Variants in ZNF83 observed in about 807,000 individuals in gnomAD.
ZNF83 encodes the protein zinc finger protein 816B.
For synonymous variants in ZNF83, 209 were observed against 213.0 expected (o/e 0.98, Z 0.17); for missense variants, 552 against 629.9 (o/e 0.88, Z 1.32).
chr19:52,689,934 A>C (rs1032699087), intron 1 of ZNF83, among the ~76,000 whole-genome samples: 1 of 152,178 alleles, frequency 6.6e-6, no homozygotes, highest in Non-Finnish European at 1.5e-5. Flanking sequence ...ACTGCGGAGG[A>C]GAGACCTGGG....
At chr19:52,645,707 T>C (rs922182877) in intron 3 of ZNF83, among the ~76,000 whole-genome samples, 2 of 151,670 alleles carry the variant, frequency 1.3e-5, no homozygotes, top group Non-Finnish European at 2.9e-5. Context: ...CTCAGGAGGT[T>C]GAGGCAAAAG....
At chr19:52,684,135 G>A (rs1342239090) in intron 1 of ZNF83, among the ~76,000 whole-genome samples, 3 of 152,028 alleles carry the variant, frequency 2.0e-5, no homozygotes, top group Non-Finnish European at 4.4e-5. Flanking sequence ...CTGGGAGGCC[G>A]AGGCTGGTGG....
chr19:52,645,808 C>CG (rs988704325), intron 3 of ZNF83, among the ~76,000 whole-genome samples: 10 of 149,136 alleles, frequency 6.7e-5, no homozygotes, highest in Admixed American at 4.8e-4. Flanking sequence ...TTCTGCCCCC[C>CG]CCCAAAAAAA....
intron 2 of ZNF83, among the ~76,000 whole-genome samples, chr19:52,619,626 CAA>C (rs34008173): frequency 1.3e-4 from 15 of 111,794 alleles, no homozygotes; most frequent in Admixed American, 1.9e-4. Flanking sequence ...ACTCCATCTC[CAA>C]AAAAAAAAAA....
intron 3 of ZNF83, chr19:52,654,001 C>T: frequency 6.6e-7 from 1 of 1,515,374 alleles, no homozygotes. Context: ...TTTGAGCCTA[C>T]AAGAAATTCT....
At chr19:52,613,022 A>G in exon 3 of ZNF83, 2 of 1,592,454 alleles carry the variant, frequency 1.3e-6, no homozygotes, top group Non-Finnish European at 8.6e-7. Flanking sequence ...CATTAATTAC[A>G]TGTGTTAGAT....
exon 3 of ZNF83, chr19:52,613,577 A>G (rs1296288694): frequency 6.2e-7 from 1 of 1,613,650 alleles, no homozygotes; most frequent in Non-Finnish European, 8.5e-7. Context: ...ACTAGGGATG[A>G]CTTGTGACTG....
At chr19:52,667,570 G>A (rs6509665) in intron 1 of ZNF83, among the ~76,000 whole-genome samples, 122,437 of 152,170 alleles carry the variant, frequency 0.8, 49,985 homozygotes, top group African/African-American at 0.95. Context: ...TACCTACATT[G>A]AAAGATTAAA....
intron 1 of ZNF83, among the ~76,000 whole-genome samples, chr19:52,680,754 A>G (rs186803997): frequency 0.17 from 24,099 of 141,222 alleles, 2,467 homozygotes; most frequent in East Asian, 0.33. Flanking sequence ...CTGGGACTAC[A>G]GGCGCCCGCC....
At position 52,619,207 on chromosome 19, in the gene ZNF83, T is replaced by C. The variant is rs902475633; in HGVS notation, c.-233-4410A>G. On this transcript the variant is annotated intron_variant, in intron 2 of 2. Coordinates refer to ENST00000301096, the Ensembl canonical transcript of ZNF83. The stretch of plus-strand genomic sequence containing the variant: ...AAGGGATTTTTCACCACATGATGTC[T>C]TCCCAGTGGTGTTTGATTATACTTT... 5.4e-5 allele frequency: 86 copies of C among 1,580,972 alleles called. No homozygotes were observed. The African/African-American group carries it at 1.1e-3, about 20-fold the overall frequency.
intron 2 of ZNF83, chr19:52,655,827 C>T: frequency 2.0e-6 from 1 of 506,992 alleles, no homozygotes; most frequent in Non-Finnish European, 3.5e-6. Context: ...TTGAACATTT[C>T]TTTTTGTGCA....
intron 1 of ZNF83, among the ~76,000 whole-genome samples, chr19:52,684,543 C>CTAT (rs1287902895): frequency 1.2e-5 from 1 of 82,228 alleles, no homozygotes; most frequent in African/African-American, 7.5e-5. Context: ...GAGTGAGACT[C>CTAT]TGTCTAAAAA....
intron 3 of ZNF83, chr19:52,655,449 CAT>C (rs1323366792): frequency 6.0e-6 from 6 of 1,000,040 alleles, no homozygotes; most frequent in South Asian, 1.5e-5. Context: ...AAAACAATGA[CAT>C]GTACATCAAA....
chr19:52,659,439 C>G (rs1036342410), intron 2 of ZNF83, among the ~76,000 whole-genome samples: 1 of 152,116 alleles, frequency 6.6e-6, no homozygotes, highest in Non-Finnish European at 1.5e-5. Flanking sequence ...TAAAAATGTT[C>G]AGACAGTTGC....
At chr19:52,680,644 G>C (rs1401224058) in intron 1 of ZNF83, among the ~76,000 whole-genome samples, 1 of 112,862 alleles carries the variant, frequency 8.9e-6, no homozygotes, top group Non-Finnish European at 1.6e-5. Context: ...ACGGAGTCTC[G>C]CTCTGTCGCC....
chr19:52,618,756 C>A, intron 2 of ZNF83: 1 of 1,148,230 alleles, frequency 8.7e-7, no homozygotes, highest in Non-Finnish European at 1.2e-6. Context: ...TCATGAAGAA[C>A]GCAGAACATC....
intron 1 of ZNF83, among the ~76,000 whole-genome samples, chr19:52,679,151 GAAC>G (rs2061867069): frequency 6.6e-6 from 1 of 152,164 alleles, no homozygotes; most frequent in African/African-American, 2.4e-5. Flanking sequence ...AATGTGAAAT[GAAC>G]AACAGTTCAG....
In ZNF83 at chr19:52,621,565, C is replaced by T. The variant is rs571540636; in HGVS notation, c.-233-6768G>A. Among the ~76,000 whole-genome samples, 4 of 151,080 alleles carry T rather than the reference C, an allele frequency of 2.6e-5. No homozygotes were observed. The East Asian group carries it at 7.7e-4, about 29-fold the overall frequency. On this transcript the variant is annotated intron_variant, in intron 2 of 2. Coordinates refer to ENST00000301096, the Ensembl canonical transcript of ZNF83. ...CCACCTTGGTGGCAAGTACCATTTC[C>T]TCTTTGTGGCAAGTACCACCCCACT...
intron 2 of ZNF83, chr19:52,617,513 C>G (rs1435581294): frequency 6.6e-6 from 1 of 152,200 alleles, no homozygotes; most frequent in African/African-American, 2.4e-5. Flanking sequence ...GGTGGATCAC[C>G]TGAAGTCAGG....
Sources: allele counts gnomAD v4.1 joint callset (sites outside exome capture counted in the v4.1 genomes callset), GRCh38; gene constraint gnomAD v4.1.1; transcripts MANE v1.5; gene names NCBI Gene and HGNC (gene_info 2026-07-23, HGNC 2026-07-21).